MICALL2: variants seen among roughly 807,000 people sequenced by gnomAD.
The protein encoded by MICALL2 is MICAL-like protein 2.
A neutral mutation model predicts 91.1 loss-of-function variants in MICALL2; 111 were observed. The observed-to-expected ratio is 1.22, with a 90% CI of 1.04 to 1.43. The LOEUF (loss-of-function observed/expected upper bound fraction) is 1.43. Ranked by LOEUF, MICALL2 falls within the 40% of genes most tolerant of loss-of-function variation. MICALL2 has a pLI of 0.00. For missense variants in MICALL2, 1,556 were observed against 1,236.0 expected (o/e 1.26, Z -3.88); for synonymous variants, 694 against 525.3 (o/e 1.32, Z -4.39).
At chr7:1,447,855 C>T (rs1780669642) in intron 3 of MICALL2, 90 bp from the exon 4 acceptor site, 2 of 1,063,350 alleles carry the variant, frequency 1.9e-6, no homozygotes, top group African/African-American at 3.3e-5. Context: ...CAGCACAGGC[C>T]TTGGTGCCCG....
chr7:1,455,424 A>C (rs188726754), intron 1 of MICALL2, among the ~76,000 whole-genome samples: 174 of 152,270 alleles, frequency 1.1e-3, no homozygotes, highest in African/African-American at 3.9e-3. Context: ...GCCGCAGGTG[A>C]GACAGGGCAG....
chr7:1,442,290 T>A lies in MICALL2; in HGVS notation c.1613A>T (p.Asn538Ile), dbSNP rs764351055. Residue 538 changes from asparagine to isoleucine, a missense_variant, in exon 7 of 17, where the codon AAC becomes ATC. By Grantham distance (149) the Asn-to-Ile change is moderately radical. Coordinates refer to ENST00000297508, the MANE Select transcript of MICALL2 (RefSeq NM_182924.4). ...ASALPPAGRR[N>I]LAESSGVGRV... ...GCCGACCCCTGAGGATTCCGCCAAG[T>A]TCCTCCTGCCTGCCGGGGGCAACGC... 1.2e-6 allele frequency: 2 copies of A among 1,613,036 alleles called. No individual in the cohort carries two copies. The highest frequency in any genetic ancestry group is 1.7e-6 in the Non-Finnish European group (2 of 1,179,926).
Position 1,440,580 on chromosome 7 carries a change from C to G in MICALL2, c.1805+11G>C. ...GTACCAGGCCCTGGGCCAGCCCCAC[C>G]CATCCCTAACCTCTCAGCTGGGCTT... On this transcript the variant is annotated intron_variant, in intron 8 of 16. Transcript: ENST00000297508. The G allele has an allele frequency of 6.2e-7, 1 of 1,611,594 alleles. No individual in the cohort carries two copies. The highest frequency in any genetic ancestry group is 1.3e-5 in the African/African-American group (1 of 75,012).
chr7:1,448,900 G>T, intron 2 of MICALL2, 139 bp from the exon 3 acceptor site: 2 of 1,004,370 alleles, frequency 2.0e-6, no homozygotes, highest in Non-Finnish European at 2.9e-6. Flanking sequence ...AGTTCTGCTC[G>T]CGTGGCCTCC....
At chr7:1,455,969 G>A (rs918238264) in intron 1 of MICALL2, among the ~76,000 whole-genome samples, 6 of 152,010 alleles carry the variant, frequency 3.9e-5, no homozygotes, top group South Asian at 2.1e-4. Flanking sequence ...CCTCACACGC[G>A]TTTCCTCCCT....
Position 1,444,670 on chromosome 7 carries a change from C to A in MICALL2, c.1400G>T (p.Gly467Val). ...KQALSALEEA[G>V]APAPGRPSPA... The stretch of plus-strand genomic sequence containing the variant: ...CGCTCACCTGCCAGGCGCCGGAGCG[C>A]CAGCCTCTTCCAGCGCTGAGAGGGC... Residue 467 changes from glycine to valine, a missense_variant, in exon 6 of 17, where the codon GGC (glycine) becomes GTC (valine). Physicochemically the swap from Gly to Val is moderately radical, Grantham distance 109. Coordinates refer to ENST00000297508, the MANE Select transcript of MICALL2 (RefSeq NM_182924.4). 6.2e-7 allele frequency: 1 copy of A among 1,611,184 alleles called. No individual in the cohort carries two copies. The highest frequency in any genetic ancestry group is 8.5e-7 in the Non-Finnish European group (1 of 1,179,734).
At chr7:1,439,085 G>A (rs1204808520) in intron 9 of MICALL2, 90 bp from the exon 10 acceptor site, 2 of 1,070,638 alleles carry the variant, frequency 1.9e-6, no homozygotes, top group African/African-American at 1.6e-5. Context: ...AGCTCGCTGG[G>A]TAGCCCGGCC....
In MICALL2 at chr7:1,438,892, T is replaced by A. The variant is rs762012934; in HGVS notation, c.2070A>T (p.Arg690=). 6.2e-7 allele frequency: 1 copy of A among 1,610,746 alleles called. No individual in the cohort carries two copies. The highest frequency in any genetic ancestry group is 8.5e-7 in the Non-Finnish European group (1 of 1,179,512). Residue 690 remains arginine, a synonymous_variant, in exon 10 of 17, where the codon CGA becomes CGT. Transcript: ENST00000297508. ...TCTCCTCCTCCTTCCAGCTCTGCACTCGGGCTTCCTGGCCAGGGGGCTCCG... is the reference window on the plus strand; with the variant it reads ...TCTCCTCCTCCTTCCAGCTCTGCACACGGGCTTCCTGGCCAGGGGGCTCCG... ...LRPEPPGQEA[R]VQSWKEEEKK...
intron 1 of MICALL2, among the ~76,000 whole-genome samples, chr7:1,458,655 G>C (rs1036496299): frequency 6.6e-6 from 1 of 152,222 alleles, no homozygotes; most frequent in East Asian, 1.9e-4. Context: ...TCTCCATCTC[G>C]GGCCCTATCA....
chr7:1,458,390 T>C (rs577391941), intron 1 of MICALL2, among the ~76,000 whole-genome samples: 35 of 152,318 alleles, frequency 2.3e-4, no homozygotes, highest in African/African-American at 7.9e-4. Context: ...CAGGTGGCCG[T>C]TGAGGGCCCC....
At chr7:1,442,978 C>T (rs944161851) in intron 6 of MICALL2, among the ~76,000 whole-genome samples, 3 of 152,128 alleles carry the variant, frequency 2.0e-5, no homozygotes, top group East Asian at 3.9e-4. Context: ...ACAAGGCCTC[C>T]GTGCCTTCCT....
Position 1,437,035 on chromosome 7 carries a change from C to CA in MICALL2, c.2477-180dup, listed in dbSNP as rs1490245459. On this transcript the variant is annotated intron_variant, in intron 14 of 16. Transcript: ENST00000297508. ...TGAATGAAGGAAGGAACGGCCACGTCAGAGCCCGTGTGCTGGGATCCTTCC... is the reference window on the plus strand; with the variant it reads ...TGAATGAAGGAAGGAACGGCCACGTCAAGAGCCCGTGTGCTGGGATCCTTCC... The CA allele has an allele frequency of 1.9e-5, 10 of 521,440 alleles. 1 individual carries two copies. The highest frequency in any genetic ancestry group is 3.4e-5 in the Non-Finnish European group (10 of 298,018). The allele number at this position is 521,440 out of a possible 1,614,324, so 32.3% of individuals were successfully genotyped here.
intron 15 of MICALL2, among the ~76,000 whole-genome samples, chr7:1,436,490 T>C (rs906163666): frequency 2.0e-5 from 3 of 147,926 alleles, no homozygotes; most frequent in African/African-American, 7.7e-5. Flanking sequence ...AAGGGACAGG[T>C]TGCAGTGAGC....
intron 14 of MICALL2, 168 bp downstream of exon 14, chr7:1,437,367 A>C (rs1311144127): frequency 1.6e-6 from 1 of 621,270 alleles, no homozygotes; most frequent in Admixed American, 3.3e-5. Context: ...GGCTGAGGAC[A>C]CACAGCCAGG....
At position 1,442,031 on chromosome 7, in the gene MICALL2, C is replaced by G. The variant is rs575162332; in HGVS notation, c.1711+161G>C. On this transcript the variant is annotated intron_variant, in intron 7 of 16. Coordinates refer to ENST00000297508, the MANE Select transcript of MICALL2 (RefSeq NM_182924.4). ...CCACCACACAGAGAGCGCACCAGGA[C>G]CCCAGGAGGCTGCGAGCAGGTGTCA... 45 of 831,480 alleles carry G rather than the reference C, an allele frequency of 5.4e-5. 1 individual carries two copies. The South Asian group carries it at 6.5e-4, about 12-fold the overall frequency. 51.5% of individuals were successfully genotyped at this position (831,480 alleles called of 1,614,324 possible). A position where few individuals can be genotyped will look rare whatever the true frequency, so the allele number is the denominator to read the frequency against.
chr7:1,447,790 G>A, intron 3 of MICALL2, 25 bp from the exon 4 acceptor site: 4 of 1,483,982 alleles, frequency 2.7e-6, no homozygotes, highest in Non-Finnish European at 3.6e-6. Flanking sequence ...CAGGGATCGG[G>A]AGGGTCCCAG....
Position 1,448,780 on chromosome 7 carries a change from G to C in MICALL2, c.193-19C>G, listed in dbSNP as rs1167979548. 2 of 1,611,178 alleles carry C rather than the reference G, an allele frequency of 1.2e-6. No individual in the cohort carries two copies. The highest frequency in any genetic ancestry group is 1.7e-6 in the Non-Finnish European group (2 of 1,179,156). The stretch of plus-strand genomic sequence containing the variant: ...GGAAGGCCTGCGAAAGGTGGGAGGG[G>C]GTCAGCGGGGCAGCTGGGAGCCCCC... On this transcript the variant is annotated intron_variant, in intron 2 of 16. Transcript: ENST00000297508.
Position 1,436,821 on chromosome 7 carries a change from G to A in MICALL2, c.2512C>T (p.Gln838Ter). 1.9e-6 allele frequency: 3 copies of A among 1,604,722 alleles called. No homozygotes were observed. Among genetic ancestry groups the A allele is most frequent in the South Asian group, 2.2e-5 (2 of 90,484 alleles). The part of the protein sequence containing the change: ...LKSLQERRRE[Q>*]ELLEQYVSTV... ...CTCACGTACTGCTCCAGCAGCTCCT[G>A]CTCCCGCCGCCGCTCCTGCAGTGAC... Residue 838 changes from glutamine to a stop codon, truncating the protein, a stop_gained, in exon 15 of 17, where the codon CAG (glutamine) becomes TAG (stop). Transcript: ENST00000297508. LOFTEE classifies it high-confidence loss of function.
At chr7:1,439,548 A>G in intron 9 of MICALL2, 1 of 219,592 alleles carries the variant, frequency 4.6e-6, no homozygotes, top group Non-Finnish European at 8.9e-6. Context: ...CACGCATCAC[A>G]CATGTACACA....
Sources: allele counts gnomAD v4.1 joint callset (sites outside exome capture counted in the v4.1 genomes callset), GRCh38; gene constraint gnomAD v4.1.1; transcripts MANE v1.5; gene names NCBI Gene and HGNC (gene_info 2026-07-23, HGNC 2026-07-21).